The following EPB41 variants were observed in gnomAD, a reference collection of about 807,000 sequenced individuals.
The protein encoded by EPB41 is protein 4.1.
EPB41 carries 65 observed loss-of-function variants against 108.0 expected under a neutral mutation model. That is an observed-to-expected ratio of 0.60 (90% confidence interval 0.49 to 0.74). The LOEUF (loss-of-function observed/expected upper bound fraction) is 0.74. Among genes scored for constraint, EPB41 ranks in the 30% least tolerant of loss-of-function variants. The probability of loss-of-function intolerance (pLI) is 0.00; values close to 1 mark genes in which losing one functional copy is unlikely to be tolerated. For synonymous variants in EPB41, 336 were observed against 358.9 expected (o/e 0.94, Z 0.72); for missense variants, 875 against 1,037.0 (o/e 0.84, Z 2.15).
intron 1 of EPB41, among the ~76,000 whole-genome samples, chr1:28,981,770 G>A (rs1368185756): frequency 1.3e-5 from 2 of 152,092 alleles, no homozygotes; most frequent in South Asian, 4.2e-4. Context: ...CATTGACTTC[G>A]TGTGTAAGCA....
intron 16 of EPB41, among the ~76,000 whole-genome samples, chr1:29,083,548 G>A (rs1355907417): frequency 2.0e-5 from 3 of 152,020 alleles, no homozygotes; most frequent in African/African-American, 7.3e-5. Context: ...TTTATGTGCT[G>A]TTTACACATG....
At chr1:29,015,854 A>G (rs2096571600) in intron 6 of EPB41, 87 bp downstream of exon 6, 1 of 908,400 alleles carries the variant, frequency 1.1e-6, no homozygotes, top group African/African-American at 1.7e-5. Flanking sequence ...AGCTCTGCTA[A>G]TTCCGTATTC....
intron 1 of EPB41, among the ~76,000 whole-genome samples, chr1:28,964,565 C>G (rs180898242): frequency 6.6e-6 from 1 of 152,216 alleles, no homozygotes; most frequent in East Asian, 1.9e-4. Flanking sequence ...CGTGCCACTG[C>G]ACTCCAGCCT....
chr1:28,967,264 C>T (rs1404609968), intron 1 of EPB41, among the ~76,000 whole-genome samples: 1 of 152,126 alleles, frequency 6.6e-6, no homozygotes, highest in African/African-American at 2.4e-5. Context: ...GTGATCCACC[C>T]GCCTTGGCCT....
rs1317407552 is a variant in EPB41, at chr1:28,948,364, C to T, written c.-8+33596C>T. Among the ~76,000 whole-genome samples, 7 of 151,900 alleles carry T rather than the reference C, an allele frequency of 4.6e-5. No individual in the cohort carries two copies. The South Asian group carries it at 1.2e-3, about 27-fold the overall frequency. On this transcript the variant is annotated intron_variant, in intron 1 of 20. Transcript: ENST00000343067. Reference sequence around the variant, plus strand: ...AAAATACAAAAAACAAAAAAATTAGCCAGGCGCGGTGGCGGGCCCTTGTAG... The same window carrying T: ...AAAATACAAAAAACAAAAAAATTAGTCAGGCGCGGTGGCGGGCCCTTGTAG...
chr1:28,968,836 G>A (rs868233406), intron 1 of EPB41, among the ~76,000 whole-genome samples: 1 of 151,606 alleles, frequency 6.6e-6, no homozygotes, highest in East Asian at 1.9e-4. Flanking sequence ...ATGGTGGTGC[G>A]CACCTGTAAT....
intron 11 of EPB41, among the ~76,000 whole-genome samples, chr1:29,050,109 C>A (rs190421386): frequency 6.6e-6 from 1 of 152,196 alleles, no homozygotes. Context: ...TAAGATTAAG[C>A]TCCACGCCTT....
At chr1:28,892,157 A>G (rs998924079) in intron 1 of EPB41, among the ~76,000 whole-genome samples, 3 of 151,116 alleles carry the variant, frequency 2.0e-5, no homozygotes, top group East Asian at 1.9e-4. Flanking sequence ...GGTACCAGGC[A>G]TTGTACTCAA....
intron 16 of EPB41, among the ~76,000 whole-genome samples, chr1:29,081,620 G>A (rs1365244916): frequency 1.3e-5 from 2 of 152,176 alleles, no homozygotes; most frequent in African/African-American, 4.8e-5. Flanking sequence ...TGGATCGCCT[G>A]AGGTCGGGAG....
At chr1:28,917,531 G>A (rs1027851170) in intron 1 of EPB41, among the ~76,000 whole-genome samples, 3 of 151,936 alleles carry the variant, frequency 2.0e-5, no homozygotes, top group African/African-American at 4.8e-5. Context: ...CACCCGCCTC[G>A]GCCTTCCAAA....
intron 8 of EPB41, among the ~76,000 whole-genome samples, chr1:29,031,488 A>C (rs2096788804): frequency 6.6e-6 from 1 of 152,188 alleles, no homozygotes; most frequent in African/African-American, 2.4e-5. Context: ...GGCCTAGAGT[A>C]GTGGTTCTCA....
chr1:29,014,289 C>T (rs532661885), intron 5 of EPB41, among the ~76,000 whole-genome samples: 100 of 151,754 alleles, frequency 6.6e-4, no homozygotes, highest in African/African-American at 2.0e-3. Context: ...TGCACTCCAA[C>T]CTGGGGGACA....
intron 16 of EPB41, 120 bp downstream of exon 16, chr1:29,065,278 A>G (rs1042796888): frequency 4.3e-6 from 6 of 1,407,728 alleles, no homozygotes; most frequent in African/African-American, 2.9e-5. Context: ...GCCTCACTAT[A>G]TTCATTGCTG....
At chr1:29,053,498 G>C (rs2150759269) in intron 12 of EPB41, 186 bp downstream of exon 12, 1 of 693,206 alleles carries the variant, frequency 1.4e-6, no homozygotes, top group East Asian at 2.8e-5. Context: ...ATGTCAGTAA[G>C]ACTGTAAGCT....
chr1:29,083,790 G>A (rs1280372489), intron 16 of EPB41, among the ~76,000 whole-genome samples: 1 of 152,060 alleles, frequency 6.6e-6, no homozygotes, highest in East Asian at 1.9e-4. Flanking sequence ...TTTCCCCTAG[G>A]CACTTAAAGC....
chr1:28,983,202 A>G (rs1278061106), intron 1 of EPB41, among the ~76,000 whole-genome samples: 2 of 152,358 alleles, frequency 1.3e-5, no homozygotes, highest in East Asian at 1.9e-4. Flanking sequence ...AGTTTTTAAA[A>G]ATGTTAATGG....
intron 10 of EPB41, among the ~76,000 whole-genome samples, chr1:29,036,337 G>A (rs1354430265): frequency 1.4e-5 from 2 of 143,092 alleles, no homozygotes; most frequent in East Asian, 4.2e-4. Flanking sequence ...TCGGCTCACT[G>A]CAACCTCCGC....
chr1:29,106,564 ATTTTTTTTTTTT>A (rs1187973613), intron 17 of EPB41, among the ~76,000 whole-genome samples: 1 of 50,882 alleles, frequency 2.0e-5, no homozygotes, highest in Non-Finnish European at 3.3e-5. Flanking sequence ...AGTAGCTGGG[ATTTTTTTTTTTT>A]TTTTTTTTTT....
At chr1:29,053,531 C>G (rs1161323888) in intron 12 of EPB41, 19 of 587,522 alleles carry the variant, frequency 3.2e-5, no homozygotes, top group Admixed American at 3.0e-5. Flanking sequence ...ATAAGGTGAC[C>G]CACTCCTTGA....
Sources: allele counts gnomAD v4.1 joint callset (sites outside exome capture counted in the v4.1 genomes callset), GRCh38; gene constraint gnomAD v4.1.1; transcripts MANE v1.5; gene names NCBI Gene and HGNC (gene_info 2026-07-23, HGNC 2026-07-21).